The following ACADM variants were observed in gnomAD, a reference collection of about 807,000 sequenced individuals.
ACADM encodes the protein acyl-CoA dehydrogenase medium chain, also known as medium-chain specific acyl-CoA dehydrogenase, mitochondrial.
In ACADM, 49 loss-of-function variants were observed where a neutral mutation model predicts 58.9. The ratio of observed to expected loss-of-function variants is 0.83; its 90% CI spans 0.66 to 1.06. The LOEUF is 1.06. Ranked by LOEUF, ACADM falls within the 50% of genes least tolerant of loss-of-function variation. The pLI, the probability that ACADM is intolerant of heterozygous loss-of-function variation, is 0.00. For missense variants in ACADM, 496 were observed against 507.0 expected, an observed-to-expected ratio of 0.98 and a Z score of 0.21; for synonymous variants, 160 against 157.7, an observed-to-expected ratio of 1.01 and a Z score of -0.11.
At chr1:75,731,184 CAG>C (rs1369715121) in intron 2 of ACADM, among the ~76,000 whole-genome samples, 2 of 140,160 alleles carry the variant, frequency 1.4e-5, no homozygotes, top group Non-Finnish European at 3.0e-5. Flanking sequence ...GAGGCTGAGA[CAG>C]GAGAATGGCG....
Position 75,762,768 on chromosome 1 carries a change from A to G in ACADM, c.*5A>G, listed in dbSNP as rs765453281. ...ATTGACAAGTACAAAAATTAAAAAA[A>G]TTACTGTAGAAATATTGAATAACTA... On this transcript the variant is annotated 3_prime_UTR_variant, in exon 12 of 12. Transcript: ENST00000370841. The G allele has an allele frequency of 2.6e-6, 4 of 1,550,540 alleles. No individual in the cohort carries two copies. Among genetic ancestry groups the G allele is most frequent in the African/African-American group, 2.7e-5 (2 of 73,524 alleles).
At chr1:75,760,730 G>A (rs1648800021) in intron 10 of ACADM, among the ~76,000 whole-genome samples, 1 of 152,012 alleles carries the variant, frequency 6.6e-6, no homozygotes, top group African/African-American at 2.4e-5. Flanking sequence ...ACGTATAATG[G>A]TGGAAAAAGA....
At position 75,749,414 on chromosome 1, in the gene ACADM, A is replaced by T. The variant is rs778192900; in HGVS notation, c.709-5A>T. On this transcript the variant is annotated splice_polypyrimidine_tract_variant and splice_region_variant and intron_variant, in intron 8 of 11. Coordinates refer to ENST00000370841, the MANE Select transcript of ACADM (RefSeq NM_000016.6). ...TTCCTTAAAATATATCAATTTTCTT[A>T]TTAGGAATTAAACATGGGCCAGCGA... 6.2e-7 allele frequency: 1 copy of T among 1,613,474 alleles called. No homozygotes were observed. Among genetic ancestry groups the T allele is most frequent in the South Asian group, 1.1e-5 (1 of 90,888 alleles).
intron 7 of ACADM, chr1:75,744,173 A>G: frequency 1.9e-6 from 3 of 1,571,906 alleles, no homozygotes; most frequent in Non-Finnish European, 2.6e-6. Flanking sequence ...AGTGGGTTTT[A>G]CTGCAGACAC....
At chr1:75,745,679 ATTTAT>A (rs1211874630) in intron 7 of ACADM, 122 bp from the exon 8 acceptor site, 1 of 809,562 alleles carries the variant, frequency 1.2e-6, no homozygotes, top group Admixed American at 2.0e-5. Flanking sequence ...AAACCTGATT[ATTTAT>A]TTCCTCATTT....
intron 6 of ACADM, among the ~76,000 whole-genome samples, chr1:75,736,856 A>G (rs972575360): frequency 6.6e-6 from 1 of 152,168 alleles, no homozygotes; most frequent in Non-Finnish European, 1.5e-5. Flanking sequence ...TGTAGTGCCT[A>G]CCACATTTTT....
chr1:75,757,361 A>G (rs1443771858), intron 10 of ACADM, among the ~76,000 whole-genome samples: 1 of 152,206 alleles, frequency 6.6e-6, no homozygotes, highest in Non-Finnish European at 1.5e-5. Context: ...CAAATTTACA[A>G]GAAAAAAATC....
Position 75,762,678 on chromosome 1 carries a change from T to C in ACADM, c.1195-14T>C, listed in dbSNP as rs377500416. 30 of 1,546,550 alleles carry C rather than the reference T, an allele frequency of 1.9e-5. No homozygotes were observed. In the East Asian group the frequency reaches 2.3e-4, roughly 12 times the overall value. ...ACTAAAGATATTTAACCTACACTTA[T>C]ATTTTTCTTGCAGATTTATGAAGGT... On this transcript the variant is annotated splice_polypyrimidine_tract_variant and intron_variant, in intron 11 of 11. Transcript: ENST00000370841.
chr1:75,749,644 G>A, intron 9 of ACADM, 85 bp downstream of exon 9: 1 of 1,245,896 alleles, frequency 8.0e-7, no homozygotes, highest in Non-Finnish European at 1.1e-6. Flanking sequence ...TGTATGTTCA[G>A]TGTGTTTCTC....
At chr1:75,757,308 A>G (rs1648562954) in intron 10 of ACADM, among the ~76,000 whole-genome samples, 1 of 152,230 alleles carries the variant, frequency 6.6e-6, no homozygotes, top group Non-Finnish European at 1.5e-5. Context: ...TAATCTACCC[A>G]TCTGACAAAG....
chr1:75,741,609 CAAAA>C (rs1471104085), intron 7 of ACADM, among the ~76,000 whole-genome samples: 6 of 151,944 alleles, frequency 3.9e-5, no homozygotes, highest in African/African-American at 2.4e-5. Context: ...AAAATTAAAA[CAAAA>C]AGAAAGAACT....
chr1:75,741,654 G>A (rs1334789515), intron 7 of ACADM, among the ~76,000 whole-genome samples: 1 of 152,038 alleles, frequency 6.6e-6, no homozygotes, highest in East Asian at 1.9e-4. Context: ...CATATAGTAA[G>A]GCAAATTAGG....
intron 8 of ACADM, among the ~76,000 whole-genome samples, chr1:75,746,396 G>A (rs1647902828): frequency 6.6e-6 from 1 of 151,970 alleles, no homozygotes; most frequent in Admixed American, 6.6e-5. Context: ...ATAGCAAATA[G>A]CCTTGAATAT....
At chr1:75,736,342 A>T (rs1647264974) in intron 6 of ACADM, among the ~76,000 whole-genome samples, 1 of 152,234 alleles carries the variant, frequency 6.6e-6, no homozygotes, top group Non-Finnish European at 1.5e-5. Context: ...AATTCATCTT[A>T]AAGAACAGAA....
chr1:75,744,782 G>C, intron 7 of ACADM: 1 of 626,886 alleles, frequency 1.6e-6, no homozygotes, highest in Admixed American at 2.5e-5. Flanking sequence ...CATCACGGCG[G>C]CCGGGTCTCC....
At chr1:75,753,161 A>G (rs1648299226) in intron 10 of ACADM, among the ~76,000 whole-genome samples, 1 of 151,862 alleles carries the variant, frequency 6.6e-6, no homozygotes, top group Non-Finnish European at 1.5e-5. Context: ...TGGCCCTCCT[A>G]TGCTGATGAG....
intron 6 of ACADM, 85 bp downstream of exon 6, chr1:75,734,956 T>C: frequency 9.9e-7 from 1 of 1,012,138 alleles, no homozygotes; most frequent in Non-Finnish European, 1.5e-6. Flanking sequence ...TATGTATATA[T>C]TGGGATATTT....
intron 1 of ACADM, among the ~76,000 whole-genome samples, chr1:75,726,496 T>C (rs1647060030): frequency 6.6e-6 from 1 of 152,214 alleles, no homozygotes; most frequent in African/African-American, 2.4e-5. Context: ...ATGTTTTCCT[T>C]TGTTATGGAA....
At position 75,749,421 on chromosome 1, in the gene ACADM, A is replaced by G; in HGVS notation, c.711A>G (p.Glu237=). 6.2e-7 allele frequency: 1 copy of G among 1,613,830 alleles called. No homozygotes were observed. Among genetic ancestry groups the G allele is most frequent in the Non-Finnish European group, 8.5e-7 (1 of 1,179,852 alleles). Residue 237 remains glutamate, a splice_region_variant and synonymous_variant, in exon 9 of 12, where the codon GAA becomes GAG. Transcript: ENST00000370841. ...DTPGIQIGRK[E]LNMGQRCSDT... is the part of the protein sequence containing the mutation. ...AAATATATCAATTTTCTTATTAGGA[A>G]TTAAACATGGGCCAGCGATGTTCAG...
Sources: gnomAD v4.1 joint callset for allele counts (sites outside exome capture counted in the v4.1 genomes callset) on GRCh38, gnomAD v4.1.1 for gene constraint, MANE v1.5 for transcripts, NCBI Gene and HGNC (gene_info 2026-07-23, HGNC 2026-07-21) for gene names.